PRKN: variants seen among roughly 807,000 people sequenced by gnomAD.
PRKN encodes E3 ubiquitin-protein ligase parkin.
In PRKN, 56 loss-of-function variants were observed where a neutral mutation model predicts 59.5. The observed-to-expected ratio is 0.94, with a 90% CI of 0.76 to 1.18. The LOEUF (loss-of-function observed/expected upper bound fraction) is 1.18. PRKN is among the 50% of genes most tolerant of loss of function. The pLI, the probability that PRKN is intolerant of heterozygous loss-of-function variation, is 0.00. For synonymous variants in PRKN, 250 were observed against 222.1 expected (o/e 1.13, Z -1.12); for missense variants, 657 against 596.4 (o/e 1.10, Z -1.06).
intron 6 of PRKN, among the ~76,000 whole-genome samples, chr6:161,806,894 T>A (rs1489316149): frequency 6.6e-6 from 1 of 152,076 alleles, no homozygotes; most frequent in Non-Finnish European, 1.5e-5. Context: ...ACATGTGAAA[T>A]TTTTCGCAAA....
At position 161,462,459 on chromosome 6, in the gene PRKN, A is replaced by G. The variant is rs770097655; in HGVS notation, c.1084-75582T>C. On this transcript the variant is annotated intron_variant, in intron 9 of 11. Transcript: ENST00000366898. The surrounding 1 kb of genome is among the most constrained non-coding windows in gnomAD (Gnocchi z 4.5). The stretch of plus-strand genomic sequence containing the variant: ...CTTGAAGCTAATGACTAGCTAAATT[A>G]GTTATATGGCCCAAAGCAAAGATAA... Among the ~76,000 whole-genome samples, 2 of 152,190 alleles carry G rather than the reference A, an allele frequency of 1.3e-5. No homozygotes were observed. The highest frequency in any genetic ancestry group is 2.9e-5 in the Non-Finnish European group (2 of 68,038).
intron 6 of PRKN, among the ~76,000 whole-genome samples, chr6:161,857,211 AGAGT>A (rs1233039640): frequency 1.3e-5 from 2 of 152,212 alleles, no homozygotes; most frequent in Non-Finnish European, 2.9e-5. Context: ...CCTGGGCGAC[AGAGT>A]GAGACTCCGC....
chr6:161,476,386 C>T (rs1377017700), intron 9 of PRKN, among the ~76,000 whole-genome samples: 1 of 152,094 alleles, frequency 6.6e-6, no homozygotes, highest in Non-Finnish European at 1.5e-5. Flanking sequence ...TTTTTAGTAA[C>T]TTCCCCCCGA....
intron 1 of PRKN, among the ~76,000 whole-genome samples, chr6:162,453,277 GTTCT>G (rs377425816): frequency 3.8e-4 from 58 of 152,256 alleles, no homozygotes; most frequent in African/African-American, 1.3e-3. Context: ...AACAGCTTTG[GTTCT>G]TTGACGAGGG....
chr6:161,759,155 G>T (rs567549343), intron 7 of PRKN, among the ~76,000 whole-genome samples: 1 of 140,406 alleles, frequency 7.1e-6, no homozygotes, highest in South Asian at 2.5e-4. Flanking sequence ...CCAGCCTGGC[G>T]ACAGAGTGAG....
rs1482290589 is a variant in PRKN at position 161,466,680 on chromosome 6, G to A, written c.1084-79803C>T. On this transcript the variant is annotated intron_variant, in intron 9 of 11. Transcript: ENST00000366898. This position sits in a 1 kb window ranked among gnomAD's most constrained non-coding sequence, Gnocchi z 5.0. ...GGGCCTAACCTTAAATAAATATGCAGCCATACTGCTAGGGCAAACATCCAC... is the reference window on the plus strand; with the variant it reads ...GGGCCTAACCTTAAATAAATATGCAACCATACTGCTAGGGCAAACATCCAC... Among the ~76,000 whole-genome samples, 1 of 152,132 alleles carries A rather than the reference G, an allele frequency of 6.6e-6. No homozygotes were observed. The highest frequency in any genetic ancestry group is 2.4e-5 in the African/African-American group (1 of 41,436).
At chr6:161,690,893 G>A (rs891644162) in intron 7 of PRKN, among the ~76,000 whole-genome samples, 3 of 152,178 alleles carry the variant, frequency 2.0e-5, no homozygotes, top group Non-Finnish European at 2.9e-5. Context: ...CTCCATAAAC[G>A]CAAGAACCAA....
intron 7 of PRKN, among the ~76,000 whole-genome samples, chr6:161,761,084 A>C (rs1271431554): frequency 1.3e-5 from 2 of 152,226 alleles, no homozygotes; most frequent in Non-Finnish European, 2.9e-5. Flanking sequence ...TGTTCTAGAG[A>C]ATTACTGAAA....
chr6:162,643,368 A>AG (rs577369682), intron 1 of PRKN, among the ~76,000 whole-genome samples: 509 of 122,602 alleles, frequency 4.2e-3, no homozygotes, highest in African/African-American at 0.011. Flanking sequence ...ACTGCATTCC[A>AG]GCCTGGGTGA....
intron 1 of PRKN, among the ~76,000 whole-genome samples, chr6:162,645,151 G>A (rs1036089605): frequency 1.3e-5 from 2 of 151,704 alleles, no homozygotes; most frequent in African/African-American, 4.8e-5. Flanking sequence ...TTACAATTTT[G>A]TTGACTACTA....
Position 161,403,211 on chromosome 6 carries a change from T to C in PRKN, c.1084-16334A>G, listed in dbSNP as rs1046016052. On this transcript the variant is annotated intron_variant, in intron 9 of 11. Coordinates refer to ENST00000366898, the MANE Select transcript of PRKN (RefSeq NM_004562.3). ...GGGCCCTCAGAGAGCTGATCATCTGTAGGGTAGAATACTGCCCCTTTTTCT... is the reference window on the plus strand; with the variant it reads ...GGGCCCTCAGAGAGCTGATCATCTGCAGGGTAGAATACTGCCCCTTTTTCT... Among the ~76,000 whole-genome samples, 5 of 152,296 alleles carry C rather than the reference T, an allele frequency of 3.3e-5. 1 individual carries two copies. The highest frequency in any genetic ancestry group is 1.2e-4 in the African/African-American group (5 of 41,542).
At chr6:162,269,013 A>AACAG (rs1780256564) in intron 2 of PRKN, among the ~76,000 whole-genome samples, 1 of 151,956 alleles carries the variant, frequency 6.6e-6, no homozygotes, top group Non-Finnish European at 1.5e-5. Context: ...AAAACAAACA[A>AACAG]AAAGGATGAA....
intron 2 of PRKN, among the ~76,000 whole-genome samples, chr6:162,405,421 C>G (rs1161967340): frequency 6.6e-6 from 1 of 152,146 alleles, no homozygotes; most frequent in African/African-American, 2.4e-5. Flanking sequence ...CTTTGAGGGT[C>G]TCTTATGGAC....
At position 162,401,299 on chromosome 6, in the gene PRKN, GA is replaced by G. The variant is rs60819605; in HGVS notation, c.171+42010del. On this transcript the variant is annotated intron_variant, in intron 2 of 11. Transcript: ENST00000366898. ...AACTAAAAAGCTAGTTCTTCACTGG[GA>G]AAAAAAAAAACCTATGCAGATACTC... 3.5e-3 allele frequency among the ~76,000 whole-genome samples: 505 copies of G among 144,432 alleles called. 2 individuals carry two copies. Among genetic ancestry groups the G allele is most frequent in the Non-Finnish European group, 5.9e-3 (387 of 65,504 alleles). 94.8% of individuals were successfully genotyped at this position (144,432 alleles called of 152,430 possible).
rs368466237 is a variant in PRKN, at chr6:162,011,140, A to G, written c.619-37723T>C. On this transcript the variant is annotated intron_variant, in intron 5 of 11. Transcript: ENST00000366898. The stretch of plus-strand genomic sequence containing the variant: ...AATATATTTATAATATATAATTATA[A>G]TATATATTATAATATATACTATATT... Among the ~76,000 whole-genome samples the G allele has an allele frequency of 7.9e-3, 8 of 1,018 alleles. 3 individuals are homozygous for G. The highest frequency in any genetic ancestry group is 0.12 in the South Asian group (2 of 16). 0.7% of individuals were successfully genotyped at this position (1,018 alleles called of 152,430 possible). A position where few individuals can be genotyped will look rare whatever the true frequency, so the allele number is the denominator to read the frequency against.
intron 7 of PRKN, among the ~76,000 whole-genome samples, chr6:161,771,766 T>C (rs1789704001): frequency 2.0e-5 from 3 of 152,204 alleles, no homozygotes; most frequent in South Asian, 4.1e-4. Context: ...ATCTTGACAT[T>C]AGAATATTAA....
intron 4 of PRKN, among the ~76,000 whole-genome samples, chr6:162,080,092 G>A (rs1427661521): frequency 6.6e-6 from 1 of 152,044 alleles, no homozygotes; most frequent in African/African-American, 2.4e-5. Flanking sequence ...AGTTTCAAAT[G>A]AAGATTCAGA....
intron 1 of PRKN, among the ~76,000 whole-genome samples, chr6:162,514,105 T>C (rs1291493136): frequency 6.6e-6 from 1 of 151,280 alleles, no homozygotes; most frequent in Non-Finnish European, 1.5e-5. Context: ...GGAAGAACAA[T>C]TGTGTTTATA....
At chr6:161,977,160 C>T (rs557514200) in intron 5 of PRKN, among the ~76,000 whole-genome samples, 1 of 152,292 alleles carries the variant, frequency 6.6e-6, no homozygotes. Context: ...TGGGATTTTA[C>T]CCAGCTTGCA....
Sources: gnomAD v4.1 joint callset for allele counts (sites outside exome capture counted in the v4.1 genomes callset) on GRCh38, gnomAD v4.1.1 for gene constraint, Gnocchi (gnomAD v3.1) non-coding constraint, MANE v1.5 for transcripts, NCBI Gene and HGNC (gene_info 2026-07-23, HGNC 2026-07-21) for gene names.